The following KANK4 variants were observed in gnomAD, a reference collection of about 807,000 sequenced individuals.
KANK4 encodes the protein KN motif and ankyrin repeat domain-containing protein 4.
A neutral mutation model predicts 80.8 loss-of-function variants in KANK4; 50 were observed. The ratio of observed to expected loss-of-function variants is 0.62; its 90% confidence interval spans 0.49 to 0.78. The LOEUF is 0.78. KANK4 is among the 30% of genes least tolerant of loss of function. KANK4 has a pLI of 0.00. For missense variants in KANK4, 1,196 were observed against 1,240.1 expected (o/e 0.96, Z 0.53); for synonymous variants, 465 against 506.9 (o/e 0.92, Z 1.11).
chr1:62,241,473 C>T (rs545724073), intron 9 of KANK4, among the ~76,000 whole-genome samples: 147 of 152,282 alleles, frequency 9.7e-4, no homozygotes, highest in African/African-American at 3.4e-3. Flanking sequence ...TCGTTCTATG[C>T]TCGTATTTGT....
chr1:62,271,331 C>T lies in KANK4; in HGVS notation c.2012+147G>A, dbSNP rs375960686. On this transcript the variant is annotated intron_variant, in intron 4 of 9. Coordinates refer to ENST00000371153, the MANE Select transcript of KANK4 (RefSeq NM_181712.5). ...GCAAGAAGCCAAACGCATGCAAACC[C>T]GAGATGGAGTTTTAAAGGGCCATTG... 1.8e-3 allele frequency: 1,127 copies of T among 643,664 alleles called. 3 individuals carry two copies. The highest frequency in any genetic ancestry group is 2.4e-3 in the Non-Finnish European group (846 of 355,324). The allele number at this position is 643,664 out of a possible 1,614,324, so 39.9% of individuals were successfully genotyped here.
intron 1 of KANK4, among the ~76,000 whole-genome samples, chr1:62,286,261 G>GCAGC (rs1672562780): frequency 6.6e-6 from 1 of 152,236 alleles, no homozygotes; most frequent in African/African-American, 2.4e-5. Flanking sequence ...TTCCCAGAAA[G>GCAGC]CCAGGTTTCG....
intron 2 of KANK4, among the ~76,000 whole-genome samples, chr1:62,280,948 T>C (rs1490826254): frequency 6.6e-6 from 1 of 152,120 alleles, no homozygotes; most frequent in Non-Finnish European, 1.5e-5. Flanking sequence ...GACTGGAACA[T>C]TATCTGCACA....
At chr1:62,296,982 C>T (rs1227991188) in intron 1 of KANK4, among the ~76,000 whole-genome samples, 5 of 151,950 alleles carry the variant, frequency 3.3e-5, no homozygotes, top group South Asian at 2.1e-4. Context: ...TTTGGGAGGC[C>T]GAGGCGGGTG....
In KANK4 at chr1:62,273,870, C is replaced by T. The variant is rs150098757; in HGVS notation, c.1234G>A (p.Val412Met). 3.4e-4 allele frequency: 546 copies of T among 1,614,194 alleles called. 1 individual carries two copies. The African/African-American group carries it at 4.9e-3, about 14-fold the overall frequency. Residue 412 changes from valine (V) to methionine (M), a missense_variant, in exon 3 of 10, where the codon GTG becomes ATG. Physicochemically the swap from Val to Met is conservative, Grantham distance 21. Coordinates refer to ENST00000371153, the MANE Select transcript of KANK4 (RefSeq NM_181712.5). The stretch of plus-strand genomic sequence containing the variant: ...TGGACAGGGTCAGTGTTCACCATCA[C>T]GTCCGTCTGGCCCTGAGTGTCTTTG... ...NAKDTQGQTDVMVNTDPVHGL... is the reference protein window; with the variant it reads ...NAKDTQGQTDMMVNTDPVHGL...
rs1034845858 is a variant in KANK4 at position 62,255,805 on chromosome 1, T to G, written c.2540-2596A>C. Among the ~76,000 whole-genome samples the G allele has an allele frequency of 3.3e-5, 5 of 152,138 alleles. No homozygotes were observed. The South Asian group carries it at 1.0e-3, about 32-fold the overall frequency. On this transcript the variant is annotated intron_variant, in intron 7 of 9. Coordinates refer to ENST00000371153, the MANE Select transcript of KANK4 (RefSeq NM_181712.5). ...CTGGGACTACAGGTGCATGTCACCA[T>G]GCTCAGCTAATTCTTTGTGTTTTTT...
intron 9 of KANK4, among the ~76,000 whole-genome samples, chr1:62,244,623 T>C (rs887840054): frequency 2.0e-4 from 31 of 152,194 alleles, no homozygotes; most frequent in Non-Finnish European, 1.5e-5. Flanking sequence ...CTCCTTGCCT[T>C]CCGCCATGAT....
intron 4 of KANK4, among the ~76,000 whole-genome samples, chr1:62,270,549 T>G (rs112932030): frequency 0.012 from 1,767 of 152,062 alleles, 44 homozygotes; most frequent in African/African-American, 0.041. Flanking sequence ...CACACCCAAC[T>G]AATTTTGTAT....
intron 8 of KANK4, among the ~76,000 whole-genome samples, chr1:62,249,368 A>G (rs998390562): frequency 3.3e-5 from 5 of 150,416 alleles, no homozygotes; most frequent in Admixed American, 2.0e-4. Context: ...GTGTGTGTAT[A>G]TATATATATA....
rs751522890 is a variant in KANK4 at position 62,253,049 on chromosome 1, C to T, written c.2682+18G>A. On this transcript the variant is annotated intron_variant, in intron 8 of 9. Coordinates refer to ENST00000371153, the MANE Select transcript of KANK4 (RefSeq NM_181712.5). ...CCCCTGCATTTACTGAAGAGGAGAT[C>T]CTGTTCATTCCACCCACCTGAGTAG... 6.2e-7 allele frequency: 1 copy of T among 1,612,918 alleles called. No homozygotes were observed. The highest frequency in any genetic ancestry group is 8.5e-7 in the Non-Finnish European group (1 of 1,179,606).
chr1:62,287,195 T>C (rs1305721477), intron 1 of KANK4, among the ~76,000 whole-genome samples: 3 of 152,134 alleles, frequency 2.0e-5, no homozygotes, highest in Non-Finnish European at 2.9e-5. Context: ...CACCAGACTC[T>C]ACACTCTCCA....
intron 1 of KANK4, among the ~76,000 whole-genome samples, chr1:62,284,447 G>A (rs1672517805): frequency 6.6e-6 from 1 of 152,130 alleles, no homozygotes; most frequent in Non-Finnish European, 1.5e-5. Context: ...CTCCCGAGTA[G>A]CTGGGATTAC....
chr1:62,301,401 A>G (rs181448772), intron 1 of KANK4, among the ~76,000 whole-genome samples: 4 of 152,234 alleles, frequency 2.6e-5, no homozygotes, highest in African/African-American at 9.6e-5. Context: ...CCAGTGATGA[A>G]CCTGGCCAAC....
Position 62,263,321 on chromosome 1 carries a change from C to CA in KANK4, c.2320-11dup. The CA allele has an allele frequency of 6.2e-7, 1 of 1,606,506 alleles. No homozygotes were observed. The highest frequency in any genetic ancestry group is 2.2e-5 in the East Asian group (1 of 44,720). On this transcript the variant is annotated splice_polypyrimidine_tract_variant and intron_variant, in intron 6 of 9. Transcript: ENST00000371153. The stretch of plus-strand genomic sequence containing the variant: ...TGTTCAAGCTTTGCCTCTGAAACCC[C>CA]AAAAAAGACCAATTCCAAGAGGTTC...
At position 62,273,334 on chromosome 1, in the gene KANK4, C is replaced by G. The variant is rs1276664194; in HGVS notation, c.1770G>C (p.Lys590Asn). ...TGCTGCTGAGCTTGGAGGCTGGCTG[C>G]TTGATGGCGCTGGCCAGCTCCGGGT... is the stretch of plus-strand genomic sequence containing the variant. Reference protein sequence around the residue: ...HGYPELASAIKQPASKLSSIQ... With the variant: ...HGYPELASAINQPASKLSSIQ... Residue 590 changes from lysine (K) to asparagine (N), a missense_variant, in exon 3 of 10, where the codon AAG becomes AAC. By Grantham distance (94) the Lys-to-Asn change is moderately conservative. Around this residue, in one of 3 missense-constraint regions of KANK4, gnomAD observed 1,154 missense variants for 1,179.6 expected, o/e 0.98. Coordinates refer to ENST00000371153, the MANE Select transcript of KANK4 (RefSeq NM_181712.5). 6.2e-7 allele frequency: 1 copy of G among 1,608,650 alleles called. No homozygotes were observed. Among genetic ancestry groups the G allele is most frequent in the Non-Finnish European group, 8.5e-7 (1 of 1,176,000 alleles).
Position 62,271,528 on chromosome 1 carries a change from T to TATG in KANK4, c.1961_1962insCAT (p.Ala654_Gly655insIle). On this transcript the variant is annotated inframe_insertion, in exon 4 of 10. Coordinates refer to ENST00000371153, the MANE Select transcript of KANK4 (RefSeq NM_181712.5). ...GGTTCTTTTTGGTCCCATTACCTCC[T>TATG]GCACGGAAGCCATAGTCTTTCTTTT... 1 of 1,614,168 alleles carries TATG rather than the reference T, an allele frequency of 6.2e-7. No individual in the cohort carries two copies. The highest frequency in any genetic ancestry group is 8.5e-7 in the Non-Finnish European group (1 of 1,180,010).
At chr1:62,296,596 G>A (rs1008070122) in intron 1 of KANK4, among the ~76,000 whole-genome samples, 3 of 152,024 alleles carry the variant, frequency 2.0e-5, no homozygotes, top group Non-Finnish European at 4.4e-5. Context: ...CTGACACCCC[G>A]TCTGGAGTGC....
chr1:62,239,904 C>T (rs1217029292), intron 9 of KANK4, among the ~76,000 whole-genome samples: 4 of 152,160 alleles, frequency 2.6e-5, no homozygotes, highest in Non-Finnish European at 5.9e-5. Flanking sequence ...ATTCTTAATC[C>T]AGTCTATCAT....
At chr1:62,296,400 ATTTGTCCATGGCT>A (rs1353491540) in intron 1 of KANK4, among the ~76,000 whole-genome samples, 1 of 152,062 alleles carries the variant, frequency 6.6e-6, no homozygotes, top group African/African-American at 2.4e-5. Context: ...TATTGGCTCC[ATTTGTCCATGGCT>A]TTTTCATCAC....
Sources: gnomAD v4.1 joint callset for allele counts (sites outside exome capture counted in the v4.1 genomes callset) on GRCh38, gnomAD v4.1.1 for gene constraint, gnomAD v4.1.1 regional missense constraint, MANE v1.5 for transcripts, NCBI Gene and HGNC (gene_info 2026-07-23, HGNC 2026-07-21) for gene names.